The following PRKG2 variants were observed in gnomAD, a reference collection of about 807,000 sequenced individuals.
The protein encoded by PRKG2 is protein kinase cGMP-dependent 2.
Under a neutral mutation model 97.2 loss-of-function variants are expected in PRKG2, and 33 were observed. The ratio of observed to expected loss-of-function variants is 0.34; its 90% CI spans 0.26 to 0.45. The LOEUF (loss-of-function observed/expected upper bound fraction) is 0.45. Ranked by LOEUF, PRKG2 falls within the 20% of genes least tolerant of loss-of-function variation. PRKG2 has a pLI of 1.00. For missense variants in PRKG2, 638 were observed against 900.0 expected, an observed-to-expected ratio of 0.71 and a Z score of 3.73; for synonymous variants, 330 against 321.8, an observed-to-expected ratio of 1.03 and a Z score of -0.27.
At chr4:81,128,834 TTCTGA>T (rs1560562073) in intron 14 of PRKG2, among the ~76,000 whole-genome samples, 1 of 152,102 alleles carries the variant, frequency 6.6e-6, no homozygotes, top group Non-Finnish European at 1.5e-5. Flanking sequence ...TTCAGTTCTG[TTCTGA>T]TCTTAGTTAT....
At chr4:81,137,278 T>C (rs774656199) in intron 13 of PRKG2, 115 bp downstream of exon 13, 5 of 803,722 alleles carry the variant, frequency 6.2e-6, no homozygotes, top group Non-Finnish European at 1.0e-5. Context: ...TACTACTTTA[T>C]TTTATCAAGG....
chr4:81,154,945 C>A (rs191695373), intron 6 of PRKG2, among the ~76,000 whole-genome samples: 1 of 151,930 alleles, frequency 6.6e-6, no homozygotes, highest in Non-Finnish European at 1.5e-5. Flanking sequence ...GAGGCCGAGG[C>A]GGGCAGATCA....
chr4:81,130,773 G>A (rs1180035196), intron 14 of PRKG2, among the ~76,000 whole-genome samples: 1 of 152,136 alleles, frequency 6.6e-6, no homozygotes, highest in African/African-American at 2.4e-5. Flanking sequence ...CCGCGGCTTT[G>A]TTTACACTGT....
chr4:81,149,989 AG>A (rs1322481251), intron 8 of PRKG2, among the ~76,000 whole-genome samples: 1 of 152,168 alleles, frequency 6.6e-6, no homozygotes. Context: ...CCAAGTTTAC[AG>A]GGTCCTTGTT....
intron 2 of PRKG2, among the ~76,000 whole-genome samples, chr4:81,186,098 G>T (rs566747351): frequency 5.9e-5 from 9 of 152,120 alleles, no homozygotes; most frequent in African/African-American, 2.2e-4. Context: ...TTCAGGACTT[G>T]ATTCAGCTCT....
At chr4:81,114,249 G>A (rs1304173770) in intron 14 of PRKG2, among the ~76,000 whole-genome samples, 1 of 151,096 alleles carries the variant, frequency 6.6e-6, no homozygotes, top group African/African-American at 2.4e-5. Context: ...TAGCTCCTTC[G>A]AAAAGGCAAT....
chr4:81,091,273 T>TTTATTA lies in PRKG2; in HGVS notation c.2193+1107_2193+1112dup, dbSNP rs3042593. ...AAAGGAATGAAGTAACAGTAGTGTT[T>TTTATTA]TTATTATTATTATTATTATTATTTT... is the stretch of plus-strand genomic sequence containing the variant. On this transcript the variant is annotated intron_variant, in intron 18 of 18. Transcript: ENST00000264399. Among the ~76,000 whole-genome samples the TTTATTA allele has an allele frequency of 7.9e-3, 1,191 of 151,504 alleles. 12 individuals carry two copies. The highest frequency in any genetic ancestry group is 0.027 in the African/African-American group (1,116 of 41,186).
At chr4:81,139,760 G>A (rs1465407125) in intron 12 of PRKG2, among the ~76,000 whole-genome samples, 1 of 136,390 alleles carries the variant, frequency 7.3e-6, no homozygotes, top group African/African-American at 2.9e-5. Flanking sequence ...GGGTGACACA[G>A]CTAGATTCCG....
chr4:81,138,008 C>A (rs1560570018), intron 12 of PRKG2, among the ~76,000 whole-genome samples: 1 of 152,136 alleles, frequency 6.6e-6, no homozygotes, highest in Non-Finnish European at 1.5e-5. Context: ...GGAAACAACA[C>A]CTGTGGGGAA....
intron 17 of PRKG2, among the ~76,000 whole-genome samples, chr4:81,100,782 C>A (rs1034404029): frequency 5.9e-5 from 9 of 152,214 alleles, no homozygotes; most frequent in Admixed American, 5.2e-4. Flanking sequence ...AACAGGCAAC[C>A]TACAGAATGG....
At position 81,199,974 on chromosome 4, in the gene PRKG2, C is replaced by T. The variant is rs111285489; in HGVS notation, c.461+4613G>A. Among the ~76,000 whole-genome samples the T allele has an allele frequency of 6.2e-3, 942 of 152,274 alleles. 10 individuals carry two copies. The highest frequency in any genetic ancestry group is 7.1e-3 in the Non-Finnish European group (480 of 68,020). On this transcript the variant is annotated intron_variant, in intron 2 of 18. Coordinates refer to ENST00000264399, the MANE Select transcript of PRKG2 (RefSeq NM_006259.3). ...CCTTTTCATGAAAGAACAATAGTTT[C>T]AAATGATAGTTTAAGCATCCCTAGC...
At chr4:81,141,108 T>G (rs922091213) in intron 11 of PRKG2, among the ~76,000 whole-genome samples, 3 of 152,112 alleles carry the variant, frequency 2.0e-5, no homozygotes, top group Non-Finnish European at 4.4e-5. Flanking sequence ...CCTCCTGGGC[T>G]CAAGCTATCC....
At chr4:81,107,824 A>T (rs1388425404) in intron 15 of PRKG2, among the ~76,000 whole-genome samples, 1 of 152,112 alleles carries the variant, frequency 6.6e-6, no homozygotes, top group Non-Finnish European at 1.5e-5. Context: ...AGTATTTTTT[A>T]AAAAGTACTG....
intron 6 of PRKG2, among the ~76,000 whole-genome samples, chr4:81,163,187 G>A (rs920015635): frequency 1.3e-5 from 2 of 152,116 alleles, no homozygotes; most frequent in African/African-American, 4.8e-5. Context: ...ATCAGAAAAG[G>A]CTGTGGAAAT....
At chr4:81,109,543 C>G (rs1743693376) in intron 15 of PRKG2, among the ~76,000 whole-genome samples, 1 of 152,080 alleles carries the variant, frequency 6.6e-6, no homozygotes. Context: ...CACATTTAGT[C>G]AGAAGATCTA....
At chr4:81,192,630 G>A (rs1344666740) in intron 2 of PRKG2, among the ~76,000 whole-genome samples, 2 of 152,222 alleles carry the variant, frequency 1.3e-5, no homozygotes, top group East Asian at 1.9e-4. Context: ...TACTTCATAG[G>A]AATATTATGC....
intron 11 of PRKG2, among the ~76,000 whole-genome samples, chr4:81,142,433 T>C (rs79007935): frequency 0.011 from 1,628 of 152,328 alleles, 12 homozygotes; most frequent in Non-Finnish European, 0.016. Context: ...TTCTTTTCTT[T>C]AGTGTATAGA....
intron 2 of PRKG2, among the ~76,000 whole-genome samples, chr4:81,188,259 A>G (rs986209183): frequency 4.6e-5 from 7 of 151,120 alleles, no homozygotes; most frequent in East Asian, 1.9e-4. Context: ...GCAGCCAAAA[A>G]ACACATGAAA....
chr4:81,092,382 A>G lies in PRKG2; in HGVS notation c.2193+4T>C. 6.4e-7 allele frequency: 1 copy of G among 1,556,150 alleles called. No homozygotes were observed. The highest frequency in any genetic ancestry group is 1.1e-5 in the South Asian group (1 of 86,970). ...ATAAAAAAGTAATATAATAAATACA[A>G]TACCTCTCTTTGCAAAGGTGATGGA... On this transcript the variant is annotated splice_donor_region_variant and intron_variant, in intron 18 of 18. Coordinates refer to ENST00000264399, the MANE Select transcript of PRKG2 (RefSeq NM_006259.3).
Sources: allele counts gnomAD v4.1 joint callset (sites outside exome capture counted in the v4.1 genomes callset), GRCh38; gene constraint gnomAD v4.1.1; transcripts MANE v1.5; gene names NCBI Gene and HGNC (gene_info 2026-07-23, HGNC 2026-07-21).